The following PRDM16 variants were observed in gnomAD, a reference collection of about 807,000 sequenced individuals.
PRDM16 encodes the protein PR/SET domain 16.
Under a neutral mutation model 110.6 loss-of-function variants are expected in PRDM16, and 23 were observed. That is an observed-to-expected ratio of 0.21 (90% CI 0.15 to 0.29). PRDM16 has a LOEUF of 0.29. Among genes scored for constraint, PRDM16 ranks in the 10% least tolerant of loss-of-function variants. The pLI is 1.00. For synonymous variants in PRDM16, 799 were observed against 781.8 expected, an observed-to-expected ratio of 1.02 and a Z score of -0.37; for missense variants, 1,615 against 1,794.3, an observed-to-expected ratio of 0.90 and a Z score of 1.81.
Position 3,265,936 on chromosome 1 carries a change from C to T in PRDM16, c.438+21799C>T, listed in dbSNP as rs1238721609. Among the ~76,000 whole-genome samples, 1 of 152,092 alleles carries T rather than the reference C, an allele frequency of 6.6e-6. No individual in the cohort carries two copies. Among genetic ancestry groups the T allele is most frequent in the East Asian group, 1.9e-4 (1 of 5,168 alleles). On this transcript the variant is annotated intron_variant, in intron 3 of 16. Coordinates refer to ENST00000270722, the MANE Select transcript of PRDM16 (RefSeq NM_022114.4). This position sits in a 1 kb window ranked among gnomAD's most constrained non-coding sequence, Gnocchi z 4.5. The stretch of plus-strand genomic sequence containing the variant: ...GTTCCTTGGTGCGTGTCTCATAAAG[C>T]CCAGGAGGGCGAGGCCAGGCCCAGC...
chr1:3,328,987 C>A (rs1268046802), intron 3 of PRDM16, among the ~76,000 whole-genome samples: 1 of 152,150 alleles, frequency 6.6e-6, no homozygotes, highest in Non-Finnish European at 1.5e-5. Context: ...CCCTCCCAGG[C>A]CAGAGGAGAA....
In PRDM16 at chr1:3,243,192, A is replaced by G. The variant is rs539345136; in HGVS notation, c.388-895A>G. Among the ~76,000 whole-genome samples, 265 of 152,178 alleles carry G rather than the reference A, an allele frequency of 1.7e-3. 1 individual carries two copies. Among genetic ancestry groups the G allele is most frequent in the African/African-American group, 6.2e-3 (255 of 41,454 alleles). ...GGGGGTGGGAGCTCCTGTGTGGCCC[A>G]CAGCCCGCTGCTGGGGGTCCTCAGT... On this transcript the variant is annotated intron_variant, in intron 2 of 16. Transcript: ENST00000270722. This position sits in a 1 kb window ranked among gnomAD's most constrained non-coding sequence, Gnocchi z 5.5.
intron 4 of PRDM16, among the ~76,000 whole-genome samples, chr1:3,391,785 T>A (rs988760451): frequency 9.2e-5 from 14 of 152,234 alleles, no homozygotes; most frequent in Non-Finnish European, 2.1e-4. Flanking sequence ...CTCCAGCCGC[T>A]CAGCACGGAG....
rs1643115689 is a variant in PRDM16 at position 3,382,343 on chromosome 1, T to C, written c.439-2809T>C. ...TGTGGTTCTTGGATTGGGCTGGCCCTGGACTTGGGCAGGGCAGGCAGTGAC... is the reference window on the plus strand; with the variant it reads ...TGTGGTTCTTGGATTGGGCTGGCCCCGGACTTGGGCAGGGCAGGCAGTGAC... On this transcript the variant is annotated intron_variant, in intron 3 of 16. Coordinates refer to ENST00000270722, the MANE Select transcript of PRDM16 (RefSeq NM_022114.4). The surrounding 1 kb of genome is among the most constrained non-coding windows in gnomAD (Gnocchi z 6.6). 6.6e-6 allele frequency among the ~76,000 whole-genome samples: 1 copy of C among 152,204 alleles called. No homozygotes were observed. The highest frequency in any genetic ancestry group is 1.9e-4 in the East Asian group (1 of 5,190).
intron 3 of PRDM16, among the ~76,000 whole-genome samples, chr1:3,375,763 A>ATGGAAAC (rs1267892217): frequency 2.0e-5 from 3 of 152,252 alleles, no homozygotes; most frequent in Non-Finnish European, 4.4e-5. Flanking sequence ...GCACGGTCAG[A>ATGGAAAC]TGGAAACTCC....
intron 1 of PRDM16, among the ~76,000 whole-genome samples, chr1:3,146,075 G>A (rs1012714438): frequency 6.6e-6 from 1 of 152,194 alleles, no homozygotes; most frequent in African/African-American, 2.4e-5. Flanking sequence ...TGGCCGAGCA[G>A]GAAAACATTT....
At chr1:3,107,571 A>G (rs1642686713) in intron 1 of PRDM16, among the ~76,000 whole-genome samples, 1 of 152,214 alleles carries the variant, frequency 6.6e-6, no homozygotes, top group South Asian at 2.1e-4. Context: ...GCTGCTGGTT[A>G]ACTTCTCTGT....
At chr1:3,264,728 G>C (rs1396214691) in intron 3 of PRDM16, among the ~76,000 whole-genome samples, 1 of 151,950 alleles carries the variant, frequency 6.6e-6, no homozygotes, top group Non-Finnish European at 1.5e-5. Flanking sequence ...GGGCTTGCAG[G>C]TCCCATGTGC....
chr1:3,113,264 A>G (rs1569581485), intron 1 of PRDM16, among the ~76,000 whole-genome samples: 1 of 152,112 alleles, frequency 6.6e-6, no homozygotes, highest in South Asian at 2.1e-4. Flanking sequence ...CACTGGAGGG[A>G]GCATCAGGTG....
intron 2 of PRDM16, among the ~76,000 whole-genome samples, chr1:3,200,492 G>A (rs180956343): frequency 6.6e-4 from 101 of 152,246 alleles, no homozygotes; most frequent in African/African-American, 2.2e-3. Flanking sequence ...ACAGGCGCCC[G>A]CCACCACGCC....
intron 3 of PRDM16, among the ~76,000 whole-genome samples, chr1:3,277,767 GCA>G (rs796428576): frequency 6.6e-4 from 90 of 136,946 alleles, no homozygotes; most frequent in Middle Eastern, 3.7e-3. Flanking sequence ...GCACACACGC[GCA>G]CACACACGCA....
chr1:3,229,122 C>T (rs1639353290), intron 2 of PRDM16, among the ~76,000 whole-genome samples: 1 of 152,236 alleles, frequency 6.6e-6, no homozygotes, highest in African/African-American at 2.4e-5. Context: ...GCACCGTGAA[C>T]ACAACCCTCC....
At chr1:3,226,688 G>C (rs761882626) in intron 2 of PRDM16, among the ~76,000 whole-genome samples, 2 of 152,112 alleles carry the variant, frequency 1.3e-5, no homozygotes, top group Non-Finnish European at 2.9e-5. Flanking sequence ...GACGTTGAAG[G>C]CCATGCCAAC....
Position 3,425,726 on chromosome 1 carries a change from AAGCACG to A in PRDM16, c.3094_3099del (p.His1032_Glu1033del). ...GACCAACCTGGACCGGCACCTCAAG[AAGCACG>A]AGCACGAGAACGCACCAGGTGGGCC... On this transcript the variant is annotated inframe_deletion, in exon 13 of 17. Transcript: ENST00000270722. The surrounding 1 kb of genome is among the most constrained non-coding windows in gnomAD (Gnocchi z 6.9). 6.2e-7 allele frequency: 1 copy of A among 1,613,714 alleles called. No homozygotes were observed. Among genetic ancestry groups the A allele is most frequent in the Non-Finnish European group, 8.5e-7 (1 of 1,179,918 alleles).
intron 1 of PRDM16, among the ~76,000 whole-genome samples, chr1:3,160,689 C>A (rs1442568287): frequency 6.6e-6 from 1 of 152,224 alleles, no homozygotes; most frequent in African/African-American, 2.4e-5. Context: ...GACATCAAGA[C>A]CCTGATGATG....
chr1:3,409,114 C>T (rs1042436431), intron 8 of PRDM16, among the ~76,000 whole-genome samples: 17 of 140,438 alleles, frequency 1.2e-4, no homozygotes, highest in Admixed American at 3.6e-4. Flanking sequence ...CGAGTGTGGG[C>T]GTGTGAGTTG....
chr1:3,114,191 A>ACGCACACACACGCG (rs1553127268), intron 1 of PRDM16, among the ~76,000 whole-genome samples: 2 of 131,798 alleles, frequency 1.5e-5, no homozygotes, highest in East Asian at 4.9e-4. Flanking sequence ...ACACGCACAC[A>ACGCACACACACGCG]CGCACACGCA....
chr1:3,409,175 G>A (rs952155311), intron 8 of PRDM16, among the ~76,000 whole-genome samples: 3 of 151,506 alleles, frequency 2.0e-5, no homozygotes, highest in Non-Finnish European at 4.4e-5. Context: ...GTGGGCACGT[G>A]AGTTGGTGCG....
chr1:3,401,589 C>T lies in PRDM16; in HGVS notation c.677-1202C>T, dbSNP rs532511627. Among the ~76,000 whole-genome samples the T allele has an allele frequency of 9.2e-5, 14 of 152,314 alleles. No homozygotes were observed. The South Asian group carries it at 1.9e-3, about 20-fold the overall frequency. ...GCCTGCACAACTACACACCCATTGG[C>T]GCACACACACACAAACCAACACACA... is the stretch of plus-strand genomic sequence containing the variant. On this transcript the variant is annotated intron_variant, in intron 5 of 16. Transcript: ENST00000270722.
Sources: allele counts gnomAD v4.1 joint callset (sites outside exome capture counted in the v4.1 genomes callset), GRCh38; gene constraint gnomAD v4.1.1; non-coding constraint Gnocchi (gnomAD v3.1); transcripts MANE v1.5; gene names NCBI Gene and HGNC (gene_info 2026-07-23, HGNC 2026-07-21).